The following ZBTB38 variants were observed in gnomAD, a reference collection of about 807,000 sequenced individuals.
ZBTB38 encodes the protein zinc finger and BTB domain-containing protein 38.
In ZBTB38, 20 loss-of-function variants were observed where a neutral mutation model predicts 76.8. The observed-to-expected ratio is 0.26, with a 90% CI of 0.18 to 0.38. The LOEUF (loss-of-function observed/expected upper bound fraction) is 0.38, where lower values mean the gene tolerates loss of function less well. ZBTB38 is among the 10% of genes least tolerant of loss of function. The pLI is 1.00. For synonymous variants in ZBTB38, 504 were observed against 544.2 expected (o/e 0.93, Z 1.03); for missense variants, 1,082 against 1,482.3 (o/e 0.73, Z 4.43).
intron 5 of ZBTB38, among the ~76,000 whole-genome samples, chr3:141,427,169 A>G (rs1263338535): frequency 2.6e-5 from 4 of 152,196 alleles, no homozygotes; most frequent in Non-Finnish European, 5.9e-5. Context: ...TCATTCATTC[A>G]GTAAAGGTTT....
chr3:141,439,254 T>G (rs2079550267), intron 5 of ZBTB38, among the ~76,000 whole-genome samples: 2 of 152,292 alleles, frequency 1.3e-5, no homozygotes, highest in East Asian at 3.9e-4. Context: ...TGTCTGACCA[T>G]ATTAACATAT....
chr3:141,405,441 T>G (rs1954028817), intron 5 of ZBTB38, among the ~76,000 whole-genome samples: 1 of 152,256 alleles, frequency 6.6e-6, no homozygotes, highest in Admixed American at 6.5e-5. Flanking sequence ...TTTGTACATT[T>G]AACTCATAAT....
intron 2 of ZBTB38, among the ~76,000 whole-genome samples, chr3:141,371,071 T>TTTTTTTTTTTTGG: frequency 7.4e-6 from 1 of 134,474 alleles, no homozygotes; most frequent in Non-Finnish European, 1.5e-5. Flanking sequence ...TTTTTTTTTT[T>TTTTTTTTTTTTGG]GAGGCAGAGT....
chr3:141,398,431 G>C (rs1176019203), intron 4 of ZBTB38, among the ~76,000 whole-genome samples: 1 of 151,972 alleles, frequency 6.6e-6, no homozygotes, highest in Non-Finnish European at 1.5e-5. Flanking sequence ...TTTAATTGTT[G>C]AGATAGTATT....
intron 5 of ZBTB38, among the ~76,000 whole-genome samples, chr3:141,431,341 A>AAAAAAAAAAAAAAAATATATATAT: frequency 9.7e-6 from 1 of 103,286 alleles, no homozygotes; most frequent in East Asian, 3.0e-4. Context: ...AAAAAAAAAA[A>AAAAAAAAAAAAAAAATATATATAT]ATATATATAT....
intron 5 of ZBTB38, among the ~76,000 whole-genome samples, chr3:141,429,682 TAAAC>T (rs1439712030): frequency 1.6e-4 from 24 of 151,892 alleles, no homozygotes; most frequent in Admixed American, 1.4e-3. Flanking sequence ...TATGAAGAAA[TAAAC>T]AAGGTGATGT....
rs200197269 is a variant in ZBTB38 at position 141,442,857 on chromosome 3, G to A, written c.469G>A (p.Ala157Thr). ...AAATGAAAAAAGGCATGAAGAACCA[G>A]CCATCACTAATGGGCCAAGGATCAC... ...EKNEKRHEEP[A>T]ITNGPRITNA... The change falls in exon 6 of 6, where the codon GCC becomes ACC. Residue 157 changes from alanine to threonine, a missense_variant. Physicochemically the swap from Ala to Thr is moderately conservative, Grantham distance 58. This residue lies in a region of ZBTB38 where 34 missense variants were observed against 40.4 expected (regional missense o/e 0.84). Transcript: ENST00000321464. The surrounding 1 kb of genome is among the most constrained non-coding windows in gnomAD (Gnocchi z 6.4). 1.9e-6 allele frequency: 3 copies of A among 1,614,220 alleles called. No individual in the cohort carries two copies. The highest frequency in any genetic ancestry group is 2.5e-6 in the Non-Finnish European group (3 of 1,180,048).
upstream of ZBTB38, among the ~76,000 whole-genome samples, chr3:141,364,187 G>A (rs771518973): frequency 2.5e-4 from 38 of 151,670 alleles, no homozygotes; most frequent in Non-Finnish European, 5.3e-4. Context: ...AGCACTTTGG[G>A]AGGCTGAGGC....
rs1485146283 is a variant in ZBTB38, at chr3:141,443,642, T to C, written c.1254T>C (p.Asn418=). 1 of 1,614,088 alleles carries C rather than the reference T, an allele frequency of 6.2e-7. No homozygotes were observed. Among genetic ancestry groups the C allele is most frequent in the Non-Finnish European group, 8.5e-7 (1 of 1,180,022 alleles). The change falls in exon 6 of 6, where the codon AAT becomes AAC. Residue 418 remains asparagine, a synonymous_variant. Coordinates refer to ENST00000321464, the MANE Select transcript of ZBTB38 (RefSeq NM_001376113.1). This position sits in a 1 kb window ranked among gnomAD's most constrained non-coding sequence, Gnocchi z 5.6. ...AAAACTATCCTACCATTGGACAAAA[T>C]GGAGGTTCATTCACAGGTCCAGAAC... ...FLENYPTIGQ[N]GGSFTGPEPL...
chr3:141,401,763 A>C (rs898384356), intron 4 of ZBTB38, among the ~76,000 whole-genome samples: 5 of 152,140 alleles, frequency 3.3e-5, no homozygotes, highest in Admixed American at 3.3e-4. Context: ...TACTTTTTCA[A>C]TGAGCAGCCC....
In ZBTB38 at chr3:141,442,420, A is replaced by G. The variant is rs2080485206; in HGVS notation, c.32A>G (p.Lys11Arg). Residue 11 changes from lysine (K) to arginine (R), a missense_variant, in exon 6 of 6, where the codon AAG (lysine) becomes AGG (arginine). By Grantham distance (26) the Lys-to-Arg change is conservative. Around this residue, in one of 8 missense-constraint regions of ZBTB38, gnomAD observed 68 missense variants for 153.0 expected, o/e 0.44. Coordinates refer to ENST00000321464, the MANE Select transcript of ZBTB38 (RefSeq NM_001376113.1). The surrounding 1 kb of genome is among the most constrained non-coding windows in gnomAD (Gnocchi z 6.4). ...GTCATGTCCCTTTCCAGGGACCTCA[A>G]GGACGACTTTCACAGTGACACGGTA... Reference protein sequence around the residue: MTVMSLSRDLKDDFHSDTVLS... With the variant: MTVMSLSRDLRDDFHSDTVLS... The G allele has an allele frequency of 6.2e-7, 1 of 1,613,974 alleles. No individual in the cohort carries two copies. The highest frequency in any genetic ancestry group is 1.3e-5 in the African/African-American group (1 of 75,030).
chr3:141,357,720 C>T (rs1363579416), intron 1 of ZBTB38, among the ~76,000 whole-genome samples: 2 of 152,106 alleles, frequency 1.3e-5, no homozygotes, highest in Admixed American at 6.5e-5. Flanking sequence ...CTCCTGAGCT[C>T]AGGTGATCTG....
chr3:141,353,739 T>A (rs1438843413), intron 1 of ZBTB38, among the ~76,000 whole-genome samples: 4 of 152,126 alleles, frequency 2.6e-5, no homozygotes, highest in Non-Finnish European at 4.4e-5. Context: ...AATGGACACA[T>A]GAGCATAGCA....
At chr3:141,382,252 A>G (rs1946308935) in intron 3 of ZBTB38, among the ~76,000 whole-genome samples, 1 of 152,218 alleles carries the variant, frequency 6.6e-6, no homozygotes, top group South Asian at 2.1e-4. Context: ...AAAAGAGAAC[A>G]GGCTACTCTG....
chr3:141,420,437 C>T lies in ZBTB38; in HGVS notation c.-1+16406C>T, dbSNP rs574740331. On this transcript the variant is annotated intron_variant, in intron 5 of 5. Coordinates refer to ENST00000321464, the MANE Select transcript of ZBTB38 (RefSeq NM_001376113.1). ...AGGTTATTCCCAACAATTCTGCTCC[C>T]AGGAGCTCTGAAACTTTCTGGATCT... Among the ~76,000 whole-genome samples, 6 of 152,254 alleles carry T rather than the reference C, an allele frequency of 3.9e-5. 1 individual carries two copies. In the South Asian group the frequency reaches 1.2e-3, roughly 32 times the overall value.
At chr3:141,436,923 T>C (rs1278036195) in intron 5 of ZBTB38, among the ~76,000 whole-genome samples, 1 of 152,220 alleles carries the variant, frequency 6.6e-6, no homozygotes, top group Admixed American at 6.5e-5. Flanking sequence ...TGGCTTACAG[T>C]GGGCCTCCTT....
chr3:141,358,890 G>T (rs1368374434), intron 1 of ZBTB38, among the ~76,000 whole-genome samples: 1 of 152,184 alleles, frequency 6.6e-6, no homozygotes, highest in African/African-American at 2.4e-5. Context: ...TTGAACTACA[G>T]AATTCTCTAA....
chr3:141,395,682 C>T (rs1950196669), intron 4 of ZBTB38, among the ~76,000 whole-genome samples: 1 of 152,248 alleles, frequency 6.6e-6, no homozygotes, highest in South Asian at 2.1e-4. Context: ...CAAAACTTCA[C>T]TTATAAACTC....
At chr3:141,384,492 T>C (rs990029301) in intron 3 of ZBTB38, among the ~76,000 whole-genome samples, 1 of 152,232 alleles carries the variant, frequency 6.6e-6, no homozygotes, top group Non-Finnish European at 1.5e-5. Flanking sequence ...CTTTCAAACG[T>C]CATTGATGGG....
Sources: gnomAD v4.1 joint callset for allele counts (sites outside exome capture counted in the v4.1 genomes callset) on GRCh38, gnomAD v4.1.1 for gene constraint, gnomAD v4.1.1 regional missense constraint, Gnocchi (gnomAD v3.1) non-coding constraint, MANE v1.5 for transcripts, NCBI Gene and HGNC (gene_info 2026-07-23, HGNC 2026-07-21) for gene names.